Variants in DIAPH1 observed in about 807,000 individuals in gnomAD.
The protein encoded by DIAPH1 is protein diaphanous homolog 1.
Under a neutral mutation model 140.7 loss-of-function variants are expected in DIAPH1, and 46 were observed. The ratio of observed to expected loss-of-function variants is 0.33; its 90% CI spans 0.26 to 0.42. DIAPH1 has a LOEUF of 0.42. Among genes scored for constraint, DIAPH1 ranks in the 10% least tolerant of loss-of-function variants. The pLI, the probability that DIAPH1 is intolerant of heterozygous loss-of-function variation, is 1.00. For missense variants in DIAPH1, 1,310 were observed against 1,558.7 expected (o/e 0.84, Z 2.69); for synonymous variants, 565 against 551.6 (o/e 1.02, Z -0.34).
chr5:141,587,475 C>T, intron 2 of DIAPH1: 1 of 454,178 alleles, frequency 2.2e-6, no homozygotes, highest in Non-Finnish European at 4.0e-6. Context: ...TTGATCTCCC[C>T]TGCCATTTCT....
chr5:141,607,759 T>C (rs2099901196), intron 1 of DIAPH1, among the ~76,000 whole-genome samples: 1 of 152,224 alleles, frequency 6.6e-6, no homozygotes, highest in Non-Finnish European at 1.5e-5. Context: ...TAAGCCTTTG[T>C]TCTACTGCTC....
intron 1 of DIAPH1, among the ~76,000 whole-genome samples, chr5:141,590,969 A>T (rs2099898310): frequency 1.3e-5 from 2 of 152,150 alleles, no homozygotes; most frequent in Non-Finnish European, 2.9e-5. Flanking sequence ...AATCTTTCTA[A>T]AATGCCAAGC....
In DIAPH1 at chr5:141,573,632, G is replaced by T; in HGVS notation, c.2218C>A (p.Pro740Thr). 6.2e-7 allele frequency: 1 copy of T among 1,613,728 alleles called. No individual in the cohort carries two copies. The highest frequency in any genetic ancestry group is 8.5e-7 in the Non-Finnish European group (1 of 1,179,882). Residue 740 changes from proline (P) to threonine (T), a missense_variant, in exon 16 of 28, where the codon CCA (proline) becomes ACA (threonine). Pro to Thr is a conservative substitution (Grantham distance 38). Around this residue, in one of 3 missense-constraint regions of DIAPH1, gnomAD observed 589 missense variants for 549.3 expected, o/e 1.07. Transcript: ENST00000389054. ...PPFPGGPGIP[P>T]PPPGMGMPPP... ...GGCATACCCATTCCGGGTGGAGGTG[G>T]AGGAATGCCAGGGCCTCCGGGAAAT...
At chr5:141,586,991 A>G (rs2099897647) in intron 3 of DIAPH1, 51 bp downstream of exon 3, 1 of 1,596,722 alleles carries the variant, frequency 6.3e-7, no homozygotes, top group African/African-American at 1.3e-5. Flanking sequence ...AGAGCCCACC[A>G]TGTCCATAAA....
In DIAPH1 at chr5:141,573,580, A is replaced by G; in HGVS notation, c.2270T>C (p.Val757Ala). 6.2e-7 allele frequency: 1 copy of G among 1,613,972 alleles called. No homozygotes were observed. Among genetic ancestry groups the G allele is most frequent in the Non-Finnish European group, 8.5e-7 (1 of 1,179,958 alleles). The change falls in exon 16 of 28, where the codon GTT becomes GCT. Residue 757 changes from valine to alanine, a missense_variant. Around this residue, in one of 3 missense-constraint regions of DIAPH1, gnomAD observed 589 missense variants for 549.3 expected, o/e 1.07. Transcript: ENST00000389054. The part of the protein sequence containing the change: ...MPPPPPFGFG[V>A]PAAPVLPFGL... ...AAATGGCAGAACTGGGGCTGCAGGA[A>G]CTCCAAATCCAAATGGGGGAGGTGG...
chr5:141,569,675 T>TC (rs1468678154), intron 18 of DIAPH1, among the ~76,000 whole-genome samples: 1 of 151,860 alleles, frequency 6.6e-6, no homozygotes, highest in African/African-American at 2.4e-5. Context: ...GGCAGGAGAA[T>TC]CCCTTGAACC....
At chr5:141,595,396 G>A (rs1460423661) in intron 1 of DIAPH1, among the ~76,000 whole-genome samples, 3 of 152,176 alleles carry the variant, frequency 2.0e-5, no homozygotes, top group Non-Finnish European at 2.9e-5. Context: ...GACAATGGGG[G>A]AGGCCATGCG....
At chr5:141,599,052 A>T (rs909470119) in intron 1 of DIAPH1, among the ~76,000 whole-genome samples, 1 of 152,138 alleles carries the variant, frequency 6.6e-6, no homozygotes, top group East Asian at 1.9e-4. Context: ...TAATCAGAAA[A>T]AGGGCCCAGA....
chr5:141,571,945 G>C lies in DIAPH1; in HGVS notation c.2454C>G (p.Thr818=). The C allele has an allele frequency of 6.2e-7, 1 of 1,613,862 alleles. No homozygotes were observed. Among genetic ancestry groups the C allele is most frequent in the South Asian group, 1.1e-5 (1 of 91,070 alleles). ...ACTCACTCTTGGTCTGGGCAGAGAAGGTAAGGGTAAGTTTGGCGAAAAGTT... is the reference window on the plus strand; with the variant it reads ...ACTCACTCTTGGTCTGGGCAGAGAACGTAAGGGTAAGTTTGGCGAAAAGTT... ...NNELFAKLTL[T]FSAQTKTSKA... is the part of the protein sequence containing the mutation. Residue 818 remains threonine (T), a synonymous_variant, in exon 17 of 28, where the codon ACC becomes ACG. Coordinates refer to ENST00000389054, the MANE Select transcript of DIAPH1 (RefSeq NM_005219.5).
At chr5:141,578,021 G>A in intron 11 of DIAPH1, 1 of 637,406 alleles carries the variant, frequency 1.6e-6, no homozygotes, top group South Asian at 1.8e-5. Context: ...ACAACCCTCA[G>A]ATCACCTTTA....
At chr5:141,556,259 T>C (rs2099892564) in intron 18 of DIAPH1, among the ~76,000 whole-genome samples, 1 of 152,010 alleles carries the variant, frequency 6.6e-6, no homozygotes, top group Admixed American at 6.5e-5. Context: ...GTCCATGAAG[T>C]GCTGTTAATT....
At chr5:141,528,613 T>G in intron 22 of DIAPH1, 31 bp from the exon 23 acceptor site, 1 of 1,614,236 alleles carries the variant, frequency 6.2e-7, no homozygotes, top group Non-Finnish European at 8.5e-7. Context: ...TGTTAAATCC[T>G]GACATGTCCA....
chr5:141,614,709 C>A (rs1188556332), intron 1 of DIAPH1, among the ~76,000 whole-genome samples: 4 of 151,950 alleles, frequency 2.6e-5, no homozygotes, highest in Admixed American at 6.6e-5. Flanking sequence ...GGAAGAATGG[C>A]GGAAATCTTT....
At chr5:141,615,301 C>T (rs2099902490) in intron 1 of DIAPH1, among the ~76,000 whole-genome samples, 1 of 151,368 alleles carries the variant, frequency 6.6e-6, no homozygotes, top group Non-Finnish European at 1.5e-5. Context: ...GGTGTGGCGG[C>T]GTACACCTGT....
At chr5:141,567,460 C>G (rs912211159) in intron 18 of DIAPH1, among the ~76,000 whole-genome samples, 2 of 152,146 alleles carry the variant, frequency 1.3e-5, no homozygotes, top group African/African-American at 4.8e-5. Flanking sequence ...CTACTCAAAA[C>G]CCAAGAGAAG....
intron 1 of DIAPH1, among the ~76,000 whole-genome samples, chr5:141,600,036 A>G (rs1019044266): frequency 8.5e-5 from 13 of 152,098 alleles, no homozygotes; most frequent in Admixed American, 6.5e-5. Context: ...CTCAGGCACA[A>G]CTGACTTTTA....
chr5:141,557,397 T>C (rs528193627), intron 18 of DIAPH1, among the ~76,000 whole-genome samples: 2 of 152,238 alleles, frequency 1.3e-5, no homozygotes, highest in South Asian at 4.1e-4. Context: ...GTGATGGACA[T>C]AGGGGTGTTC....
chr5:141,582,818 C>T (rs901977336), intron 6 of DIAPH1, among the ~76,000 whole-genome samples: 9 of 152,090 alleles, frequency 5.9e-5, no homozygotes, highest in African/African-American at 2.2e-4. Context: ...CCAAGGTATA[C>T]CTAAAATTAT....
chr5:141,584,571 G>A (rs934465548), intron 3 of DIAPH1, among the ~76,000 whole-genome samples: 1 of 152,146 alleles, frequency 6.6e-6, no homozygotes, highest in Non-Finnish European at 1.5e-5. Context: ...TCAGACTGAA[G>A]CACTGGATGA....
Sources: allele counts gnomAD v4.1 joint callset (sites outside exome capture counted in the v4.1 genomes callset), GRCh38; gene constraint gnomAD v4.1.1; regional missense constraint gnomAD v4.1.1; transcripts MANE v1.5; gene names NCBI Gene and HGNC (gene_info 2026-07-23, HGNC 2026-07-21).